The following TUBE1 variants were observed in gnomAD, a reference collection of about 807,000 sequenced individuals.
The protein encoded by TUBE1 is tubulin epsilon 1.
TUBE1 carries 34 observed loss-of-function variants against 53.5 expected under a neutral mutation model. The ratio of observed to expected loss-of-function variants is 0.64; its 90% confidence interval spans 0.48 to 0.85. The LOEUF (loss-of-function observed/expected upper bound fraction) is 0.85, where lower values mean the gene tolerates loss of function less well. Among genes scored for constraint, TUBE1 ranks in the 40% least tolerant of loss-of-function variants. The pLI, the probability that TUBE1 is intolerant of heterozygous loss-of-function variation, is 0.00. For missense variants in TUBE1, 532 were observed against 570.5 expected (o/e 0.93, Z 0.69); for synonymous variants, 177 against 198.4 (o/e 0.89, Z 0.91).
intron 2 of TUBE1, 59 bp downstream of exon 2, chr6:112,087,174 G>T: frequency 7.0e-7 from 1 of 1,423,702 alleles, no homozygotes; most frequent in Non-Finnish European, 9.6e-7. Context: ...ATTATTTCCT[G>T]CGTATGGGCT....
Position 112,074,715 on chromosome 6 carries a change from A to G in TUBE1, c.948T>C (p.Pro316=). The stretch of plus-strand genomic sequence containing the variant: ...GAAACAAAGTTACACCTTACCTTCT[A>G]GGAGGAATGTTAACATCTGTCAGTG... ...LYTLTDVNIP[P]RRLDQMFSDA... Residue 316 remains proline, a synonymous_variant, in exon 9 of 12, where the codon CCT becomes CCC. Coordinates refer to ENST00000368662, the MANE Select transcript of TUBE1 (RefSeq NM_016262.5). 1 of 1,524,706 alleles carries G rather than the reference A, an allele frequency of 6.6e-7. No homozygotes were observed. The highest frequency in any genetic ancestry group is 2.4e-5 in the East Asian group (1 of 41,542). 94.4% of individuals were successfully genotyped at this position (1,524,706 alleles called of 1,614,324 possible). A position where few individuals can be genotyped will look rare whatever the true frequency, so the allele number is the denominator to read the frequency against.
rs1554315242 is a variant in TUBE1 at position 112,071,112 on chromosome 6, T to C, written c.*300A>G. 5.4e-6 allele frequency: 1 copy of C among 184,786 alleles called. No homozygotes were observed. The highest frequency in any genetic ancestry group is 5.9e-5 in the Admixed American group (1 of 16,910). 11.4% of individuals were successfully genotyped at this position (184,786 alleles called of 1,614,324 possible). A position where few individuals can be genotyped will look rare whatever the true frequency, so the allele number is the denominator to read the frequency against. On this transcript the variant is annotated 3_prime_UTR_variant, in exon 12 of 12. Coordinates refer to ENST00000368662, the MANE Select transcript of TUBE1 (RefSeq NM_016262.5). ...AAGATTTTTATTGAAGACACATCAG[T>C]GCATAAATGCCTAAATATGAGGCTA...
chr6:112,079,239 G>A (rs1709865), intron 6 of TUBE1, among the ~76,000 whole-genome samples: 47,606 of 151,202 alleles, frequency 0.31, 8,098 homozygotes, highest in African/African-American at 0.46. Context: ...CACATCATGA[G>A]CACGTCAAAA....
Position 112,087,400 on chromosome 6 carries a change from C to CGG in TUBE1, c.25+9_25+10insCC. 6.4e-7 allele frequency: 1 copy of CGG among 1,551,184 alleles called. No homozygotes were observed. The highest frequency in any genetic ancestry group is 8.7e-7 in the Non-Finnish European group (1 of 1,146,856). ...GGCGACCAGGTCTCTACCCGCCCGG[C>CGG]GTAGCTTACCCTGTACGACCACCGA... On this transcript the variant is annotated intron_variant, in intron 1 of 11. Transcript: ENST00000368662.
intron 6 of TUBE1, chr6:112,079,283 A>C (rs1777026161): frequency 5.9e-6 from 1 of 169,050 alleles, no homozygotes; most frequent in African/African-American, 2.4e-5. Flanking sequence ...CTGTACAGGC[A>C]AACTCTAAGG....
chr6:112,075,867 G>T, intron 8 of TUBE1, 70 bp downstream of exon 8: 1 of 1,347,606 alleles, frequency 7.4e-7, no homozygotes, highest in Non-Finnish European at 1.0e-6. Flanking sequence ...ACTAAAAAAT[G>T]CTACTACAAA....
At chr6:112,076,221 A>G in intron 7 of TUBE1, 101 bp downstream of exon 7, 8 of 1,468,278 alleles carry the variant, frequency 5.4e-6, no homozygotes, top group Non-Finnish European at 7.3e-6. Context: ...TTTCTCTAAG[A>G]AGGCTGAAAA....
At chr6:112,082,474 C>T (rs1777086068) in intron 4 of TUBE1, among the ~76,000 whole-genome samples, 1 of 152,156 alleles carries the variant, frequency 6.6e-6, no homozygotes, top group Admixed American at 6.5e-5. Flanking sequence ...ATTAAACATA[C>T]ATAAATCATA....
At position 112,071,564 on chromosome 6, in the gene TUBE1, G is replaced by A. The variant is rs782486727; in HGVS notation, c.1276C>T (p.Leu426Phe). ...FMRLYKKKAHLHHYLQVEGME... is the reference protein window; with the variant it reads ...FMRLYKKKAHFHHYLQVEGME... Reference sequence around the variant, plus strand: ...CCTTCAACTTGTAGATAGTGATGAAGGTGAGCCTATAAATTAAAAAATTAG... The same window carrying A: ...CCTTCAACTTGTAGATAGTGATGAAAGTGAGCCTATAAATTAAAAAATTAG... The change falls in exon 12 of 12, where the codon CTT (leucine) becomes TTT (phenylalanine). Residue 426 changes from leucine (L) to phenylalanine (F), a missense_variant. Transcript: ENST00000368662. 3.1e-6 allele frequency: 5 copies of A among 1,603,660 alleles called. No homozygotes were observed. Among genetic ancestry groups the A allele is most frequent in the Admixed American group, 3.4e-5 (2 of 59,368 alleles).
At position 112,076,116 on chromosome 6, in the gene TUBE1, T is replaced by G. The variant is rs782191684; in HGVS notation, c.637-4A>C. 5 of 1,608,668 alleles carry G rather than the reference T, an allele frequency of 3.1e-6. No individual in the cohort carries two copies. The highest frequency in any genetic ancestry group is 4.2e-6 in the Non-Finnish European group (5 of 1,176,960). ...TGCTAATGATGTCAAATAAAGACTTTTGAGGGAAAAACATTGGGAGAGAAG... is the reference window on the plus strand; with the variant it reads ...TGCTAATGATGTCAAATAAAGACTTGTGAGGGAAAAACATTGGGAGAGAAG... On this transcript the variant is annotated splice_polypyrimidine_tract_variant and splice_region_variant and intron_variant, in intron 7 of 11. Transcript: ENST00000368662.
In TUBE1 at chr6:112,076,340, TAC is replaced by T. The variant is rs782416986; in HGVS notation, c.616_617del (p.Val206IlefsTer4). On this transcript the variant is annotated frameshift_variant, in exon 7 of 12. Transcript: ENST00000368662. LOFTEE classifies it high-confidence loss of function. ...MKELNEHADCVLPIDNQSLFD... is the reference protein window; with the variant it reads ...MKELNEHADCXLPIDNQSLFD... The stretch of plus-strand genomic sequence containing the variant: ...TTCTTACTTGATTGTCAATGGGCAA[TAC>T]ACAGTCTGCATGCTCATTAAGTTCC... 7 of 1,590,344 alleles carry T rather than the reference TAC, an allele frequency of 4.4e-6. No homozygotes were observed. The East Asian group carries it at 1.3e-4, about 31-fold the overall frequency.
At chr6:112,079,795 AT>A (rs782216042) in intron 5 of TUBE1, 41 bp from the exon 6 acceptor site, 6 of 1,574,080 alleles carry the variant, frequency 3.8e-6, no homozygotes, top group Non-Finnish European at 2.6e-6. Context: ...CCTTGCATTT[AT>A]TTTTTTATTT....
rs781861548 is a variant in TUBE1 at position 112,072,911 on chromosome 6, A to ATTGG, written c.954-14_954-13insCCAA. 2 of 1,610,876 alleles carry ATTGG rather than the reference A, an allele frequency of 1.2e-6. No homozygotes were observed. Among genetic ancestry groups the ATTGG allele is most frequent in the African/African-American group, 2.7e-5 (2 of 74,842 alleles). On this transcript the variant is annotated splice_polypyrimidine_tract_variant and intron_variant, in intron 9 of 11. Coordinates refer to ENST00000368662, the MANE Select transcript of TUBE1 (RefSeq NM_016262.5). The stretch of plus-strand genomic sequence containing the variant: ...CATCTGATCCAATCTGCAACAATGA[A>ATTGG]ATTGTCATTGTTTATACAAAATATT...
intron 8 of TUBE1, chr6:112,075,059 TTTTTC>T (rs1776936051): frequency 4.6e-5 from 10 of 215,896 alleles, no homozygotes; most frequent in African/African-American, 6.0e-5. Flanking sequence ...CTACATTTTT[TTTTTC>T]TTTCTTTTTT....
chr6:112,081,756 C>T, intron 4 of TUBE1, among the ~76,000 whole-genome samples: 1 of 148,788 alleles, frequency 6.7e-6, no homozygotes, highest in East Asian at 2.0e-4. Context: ...AAAACATACA[C>T]TCCTAAGAAG....
rs368559815 is a variant in TUBE1, at chr6:112,086,549, A to C, written c.152+7T>G. 13 of 1,611,024 alleles carry C rather than the reference A, an allele frequency of 8.1e-6. No homozygotes were observed. Among genetic ancestry groups the C allele is most frequent in the African/African-American group, 1.3e-5 (1 of 74,840 alleles). On this transcript the variant is annotated splice_region_variant and intron_variant, in intron 3 of 11. Coordinates refer to ENST00000368662, the MANE Select transcript of TUBE1 (RefSeq NM_016262.5). ...TCACACTGTGACAGACTTTAATCCC[A>C]TCTTACCTGGTGTCCACATTTCTAA...
rs151331556 is a variant in TUBE1 at position 112,079,545 on chromosome 6, A to G, written c.448+88T>C. On this transcript the variant is annotated intron_variant, in intron 6 of 11. Transcript: ENST00000368662. The stretch of plus-strand genomic sequence containing the variant: ...CCGAATAGTTCTATCTTTATCAAGC[A>G]CAGGTCTAAAAACAAGACTTACGTT... 7.5e-4 allele frequency: 1,008 copies of G among 1,341,558 alleles called. 13 individuals carry two copies. The African/African-American group carries it at 0.014, about 18-fold the overall frequency. 83.1% of individuals were successfully genotyped at this position (1,341,558 alleles called of 1,614,324 possible). A position where few individuals can be genotyped will look rare whatever the true frequency, so the allele number is the denominator to read the frequency against.
At chr6:112,085,843 A>C (rs1275588518) in intron 3 of TUBE1, 1 of 375,162 alleles carries the variant, frequency 2.7e-6, no homozygotes, top group Non-Finnish European at 5.3e-6. Flanking sequence ...GATGCCAATG[A>C]CACTTCTGAG....
chr6:112,078,443 G>C lies in TUBE1; in HGVS notation c.448+1190C>G, dbSNP rs587676843. 2.0e-5 allele frequency: 3 copies of C among 152,114 alleles called. No homozygotes were observed. The South Asian group carries it at 6.2e-4, about 32-fold the overall frequency. The allele number at this position is 152,114 out of a possible 1,614,324, so 9.4% of individuals were successfully genotyped here. A position where few individuals can be genotyped will look rare whatever the true frequency, so the allele number is the denominator to read the frequency against. ...GATAAAGTGGAAAAGTTACAGTATA[G>C]TATATATTGGATAATCTTGTTTATG... On this transcript the variant is annotated intron_variant, in intron 6 of 11. Coordinates refer to ENST00000368662, the MANE Select transcript of TUBE1 (RefSeq NM_016262.5).
Sources: allele counts gnomAD v4.1 joint callset (sites outside exome capture counted in the v4.1 genomes callset), GRCh38; gene constraint gnomAD v4.1.1; transcripts MANE v1.5; gene names NCBI Gene and HGNC (gene_info 2026-07-23, HGNC 2026-07-21).